The following NPR3 variants were observed in gnomAD, a reference collection of about 807,000 sequenced individuals.
NPR3 encodes natriuretic peptide receptor 3.
Under a neutral mutation model 54.5 loss-of-function variants are expected in NPR3, and 34 were observed. That is an observed-to-expected ratio of 0.62 (90% CI 0.47 to 0.83). The LOEUF (loss-of-function observed/expected upper bound fraction) is 0.83, where lower values mean the gene tolerates loss of function less well. NPR3 is among the 40% of genes least tolerant of loss of function. The probability of loss-of-function intolerance (pLI) is 0.00; values close to 1 mark genes in which losing one functional copy is unlikely to be tolerated. For synonymous variants in NPR3, 289 were observed against 297.1 expected, an observed-to-expected ratio of 0.97 and a Z score of 0.28; for missense variants, 674 against 720.8, an observed-to-expected ratio of 0.94 and a Z score of 0.74.
chr5:32,774,877 G>A (rs1463969593), intron 4 of NPR3, 34 bp downstream of exon 4: 1 of 1,538,494 alleles, frequency 6.5e-7, no homozygotes, highest in Non-Finnish European at 9.0e-7. Context: ...ATTACATGGG[G>A]CCAAATGAGC....
At chr5:32,731,830 T>G (rs1014924247) in intron 2 of NPR3, among the ~76,000 whole-genome samples, 8 of 152,200 alleles carry the variant, frequency 5.3e-5, no homozygotes, top group Non-Finnish European at 1.2e-4. Context: ...TAGAGATTTA[T>G]TCTCTTACCT....
intron 3 of NPR3, among the ~76,000 whole-genome samples, chr5:32,760,807 C>G (rs1318617878): frequency 6.6e-6 from 1 of 151,542 alleles, no homozygotes; most frequent in Non-Finnish European, 1.5e-5. Context: ...AAAGTTTTGG[C>G]TTTTATATTT....
chr5:32,756,226 A>G (rs1740831508), intron 3 of NPR3, among the ~76,000 whole-genome samples: 1 of 152,242 alleles, frequency 6.6e-6, no homozygotes, highest in African/African-American at 2.4e-5. Context: ...CCAACAGTGT[A>G]AAAGTGTTCC....
At chr5:32,783,316 A>C (rs1048665000) in intron 6 of NPR3, 5 of 284,532 alleles carry the variant, frequency 1.8e-5, no homozygotes, top group African/African-American at 1.1e-4. Context: ...CAAAATATCA[A>C]TTAGTAAATA....
At position 32,780,804 on chromosome 5, in the gene NPR3, G is replaced by C; in HGVS notation, c.1278G>C (p.Ala426=). The C allele has an allele frequency of 1.9e-6, 3 of 1,557,910 alleles. No homozygotes were observed. The highest frequency in any genetic ancestry group is 2.7e-6 in the Non-Finnish European group (3 of 1,129,046). ...TGATTGCCATGACTGATGTGGAGGC[G>C]GGCACCCAGGAGGTGAGCACGTGAG... The part of the protein sequence containing the change: ...FSVIAMTDVE[A]GTQEVIGDYF... Residue 426 remains alanine, a synonymous_variant, in exon 5 of 8, where the codon GCG becomes GCC. Coordinates refer to ENST00000265074, the MANE Select transcript of NPR3 (RefSeq NM_001204375.2).
intron 3 of NPR3, among the ~76,000 whole-genome samples, chr5:32,747,239 C>G (rs902834274): frequency 6.6e-6 from 1 of 152,136 alleles, no homozygotes; most frequent in Admixed American, 6.5e-5. Context: ...GATATTATCT[C>G]TTGACTTCCT....
At chr5:32,756,286 A>G (rs1740835333) in intron 3 of NPR3, among the ~76,000 whole-genome samples, 1 of 152,164 alleles carries the variant, frequency 6.6e-6, no homozygotes, top group African/African-American at 2.4e-5. Context: ...CTTTTTAATG[A>G]TCACCATTCT....
chr5:32,710,918 A>C, upstream of NPR3: 1 of 379,212 alleles, frequency 2.6e-6, no homozygotes, highest in Non-Finnish European at 3.8e-6. Flanking sequence ...GTGTGTGTGT[A>C]TGTGTGCGTG....
At chr5:32,718,225 C>A (rs1738657351) in intron 1 of NPR3, among the ~76,000 whole-genome samples, 1 of 152,152 alleles carries the variant, frequency 6.6e-6, no homozygotes, top group Non-Finnish European at 1.5e-5. Context: ...TGGTGCCATG[C>A]TGTTTTGGTT....
At chr5:32,717,773 A>G (rs2072287370) in intron 1 of NPR3, among the ~76,000 whole-genome samples, 1 of 152,162 alleles carries the variant, frequency 6.6e-6, no homozygotes, top group South Asian at 2.1e-4. Context: ...TCAGATGGGT[A>G]GATTGCAAAA....
chr5:32,780,841 A>C (rs1198602959), intron 5 of NPR3, 25 bp downstream of exon 5: 1 of 1,054,998 alleles, frequency 9.5e-7, no homozygotes, highest in Non-Finnish European at 1.5e-6. Context: ...CCTCTGCACC[A>C]GTTGCTCCTT....
At chr5:32,760,318 C>T (rs1226768444) in intron 3 of NPR3, among the ~76,000 whole-genome samples, 2 of 152,126 alleles carry the variant, frequency 1.3e-5, no homozygotes, top group Non-Finnish European at 2.9e-5. Context: ...TTCCAACCAG[C>T]AATGTATGGA....
At chr5:32,702,357 C>A (rs1013007590) in intron 1 of NPR3, among the ~76,000 whole-genome samples, 17 of 151,824 alleles carry the variant, frequency 1.1e-4, no homozygotes, top group African/African-American at 3.6e-4. Context: ...GTGCTGCACC[C>A]AATAACTCGT....
At position 32,780,769 on chromosome 5, in the gene NPR3, G is replaced by T. The variant is rs1742296066; in HGVS notation, c.1243G>T (p.Asp415Tyr). ...SIDANGDRYG[D>Y]FSVIAMTDVE... ...AGATGCCAACGGAGACCGATATGGG[G>T]ATTTCTCTGTGATTGCCATGACTGA... The change falls in exon 5 of 8, where the codon GAT becomes TAT. Residue 415 changes from aspartate to tyrosine, a missense_variant. Transcript: ENST00000265074. The T allele has an allele frequency of 6.2e-7, 1 of 1,603,216 alleles. No homozygotes were observed. The highest frequency in any genetic ancestry group is 2.2e-5 in the East Asian group (1 of 44,840).
At chr5:32,723,219 A>C (rs1048841045) in intron 1 of NPR3, among the ~76,000 whole-genome samples, 3 of 152,220 alleles carry the variant, frequency 2.0e-5, no homozygotes, top group African/African-American at 7.2e-5. Flanking sequence ...CTCTCTGCAC[A>C]GTATGTGTGC....
At chr5:32,773,881 C>G (rs1741897911) in intron 3 of NPR3, among the ~76,000 whole-genome samples, 1 of 152,208 alleles carries the variant, frequency 6.6e-6, no homozygotes, top group Non-Finnish European at 1.5e-5. Flanking sequence ...AGGCACTAGT[C>G]TCATGGTCAA....
upstream of NPR3, among the ~76,000 whole-genome samples, chr5:32,707,410 C>T (rs2111826676): frequency 6.6e-6 from 1 of 152,082 alleles, no homozygotes; most frequent in South Asian, 2.1e-4. Flanking sequence ...AAGTAAGAAC[C>T]TAGAGGCAAA....
chr5:32,768,195 G>A (rs1741578288), intron 3 of NPR3, among the ~76,000 whole-genome samples: 1 of 152,162 alleles, frequency 6.6e-6, no homozygotes, highest in Non-Finnish European at 1.5e-5. Flanking sequence ...TGGGGGTTGG[G>A]TCACCAGCCT....
intron 3 of NPR3, among the ~76,000 whole-genome samples, chr5:32,739,756 C>G (rs926964593): frequency 1.3e-5 from 2 of 152,186 alleles, no homozygotes; most frequent in African/African-American, 4.8e-5. Flanking sequence ...GGCCAACATG[C>G]CACTCCTGTA....
Sources: gnomAD v4.1 joint callset for allele counts (sites outside exome capture counted in the v4.1 genomes callset) on GRCh38, gnomAD v4.1.1 for gene constraint, MANE v1.5 for transcripts, NCBI Gene and HGNC (gene_info 2026-07-23, HGNC 2026-07-21) for gene names.